The following TTLL13 variants were observed in gnomAD, a reference collection of about 807,000 sequenced individuals.
TTLL13 encodes tubulin tyrosine ligase like 13.
At chr15:90,259,768 C>T in the TTLL13 span, among the ~76,000 whole-genome samples, 1 of 152,224 alleles carries the variant, frequency 6.6e-6, no homozygotes, top group Admixed American at 6.5e-5. Flanking sequence ...ACAGTTTAGT[C>T]ATTCAATAAT....
At chr15:90,265,072 A>G in the TTLL13 span, 1 of 1,392,914 alleles carries the variant, frequency 7.2e-7, no homozygotes, top group Non-Finnish European at 9.5e-7. Context: ...CCACTTTGAA[A>G]AGCCCTGCCC....
chr15:90,257,592 G>C, the TTLL13 span: 1 of 1,573,920 alleles, frequency 6.4e-7, no homozygotes, highest in African/African-American at 1.3e-5. Context: ...GGAGAGGACG[G>C]CCGCATGCAG....
At chr15:90,251,619 A>G in the TTLL13 span, 1 of 1,611,452 alleles carries the variant, frequency 6.2e-7, no homozygotes, top group Non-Finnish European at 8.5e-7. Flanking sequence ...CGTCGCTCAC[A>G]CTGTGGTGCA....
chr15:90,250,316 T>C, the TTLL13 span, among the ~76,000 whole-genome samples: 1 of 152,202 alleles, frequency 6.6e-6, no homozygotes, highest in Non-Finnish European at 1.5e-5. Flanking sequence ...GCCATGGTCA[T>C]GGCCCATACC....
chr15:90,256,577 C>CTT, the TTLL13 span, among the ~76,000 whole-genome samples: 2 of 56,864 alleles, frequency 3.5e-5, no homozygotes, highest in East Asian at 8.4e-4. Context: ...TTCTTTCTTT[C>CTT]TTTCTTTCTT....
At chr15:90,253,168 ACCT>A in the TTLL13 span, 2 of 1,157,784 alleles carry the variant, frequency 1.7e-6, no homozygotes, top group South Asian at 2.7e-5. Context: ...TCAGGTGTAT[ACCT>A]TACCTGACCC....
chr15:90,263,815 G>A, the TTLL13 span: 3 of 717,078 alleles, frequency 4.2e-6, no homozygotes, highest in African/African-American at 3.5e-5. Flanking sequence ...GCTCCTAAGA[G>A]GGGCTGCCAC....
the TTLL13 span, chr15:90,257,956 C>T: frequency 1.6e-5 from 21 of 1,334,422 alleles, no homozygotes; most frequent in Non-Finnish European, 2.1e-5. Flanking sequence ...ATGCAATTAG[C>T]GTTAGTGTGA....
At chr15:90,257,111 T>C in the TTLL13 span, 1 of 1,602,622 alleles carries the variant, frequency 6.2e-7, no homozygotes, top group Non-Finnish European at 8.5e-7. Context: ...AGTGTTATTA[T>C]TCCCTCATGG....
At chr15:90,262,694 T>C in the TTLL13 span, 1 of 1,455,136 alleles carries the variant, frequency 6.9e-7, no homozygotes, top group Non-Finnish European at 9.0e-7. Context: ...GTAGCTCTTA[T>C]CTTTCCACAG....
the TTLL13 span, chr15:90,262,609 G>A: frequency 6.5e-7 from 1 of 1,532,926 alleles, no homozygotes; most frequent in Non-Finnish European, 8.7e-7. Context: ...GCCGACCCAG[G>A]GCAGGGCTCC....
chr15:90,258,533 A>G, the TTLL13 span: 2 of 614,760 alleles, frequency 3.3e-6, no homozygotes. Context: ...CACACTATCT[A>G]GAGAGGCAGG....
chr15:90,263,181 G>C, the TTLL13 span: 1 of 1,485,712 alleles, frequency 6.7e-7, no homozygotes, highest in East Asian at 2.5e-5. Flanking sequence ...GAGGAAAAGG[G>C]AACAAGGGCT....
the TTLL13 span, among the ~76,000 whole-genome samples, chr15:90,251,131 T>TTTTTTTTTTAG: frequency 6.9e-6 from 1 of 145,476 alleles, no homozygotes; most frequent in African/African-American, 2.6e-5. Context: ...TTTTTTTTTT[T>TTTTTTTTTTAG]GAGACAGAGT....
chr15:90,253,778 G>C, the TTLL13 span, among the ~76,000 whole-genome samples: 42,139 of 152,076 alleles, frequency 0.28, 6,809 homozygotes, highest in East Asian at 0.69. Context: ...GGTCCTGCCT[G>C]GTGGCAAGAA....
the TTLL13 span, chr15:90,263,143 C>A: frequency 1.3e-6 from 2 of 1,524,102 alleles, no homozygotes; most frequent in South Asian, 1.2e-5. Context: ...TCATGAGAGT[C>A]GGGTGAGGGT....
At chr15:90,255,623 T>C in the TTLL13 span, 4 of 1,331,714 alleles carry the variant, frequency 3.0e-6, no homozygotes, top group African/African-American at 5.8e-5. Flanking sequence ...CTTGGGGTCC[T>C]TGGTGCAGTG....
At chr15:90,252,801 G>C in the TTLL13 span, among the ~76,000 whole-genome samples, 3 of 152,048 alleles carry the variant, frequency 2.0e-5, no homozygotes, top group Non-Finnish European at 2.9e-5. Flanking sequence ...TCAGGAGTTC[G>C]AGACCAGACT....
At chr15:90,252,043 CTT>C in the TTLL13 span, among the ~76,000 whole-genome samples, 4 of 133,412 alleles carry the variant, frequency 3.0e-5, no homozygotes, top group Non-Finnish European at 4.8e-5. Flanking sequence ...TCACCTAATT[CTT>C]TTTTTTTTTT....
Sources: gnomAD v4.1 joint callset for allele counts (sites outside exome capture counted in the v4.1 genomes callset) on GRCh38, gnomAD v4.1.1 for gene constraint, MANE v1.5 for transcripts, NCBI Gene and HGNC (gene_info 2026-07-23, HGNC 2026-07-21) for gene names.